Variants in ATP2B1 observed in about 807,000 individuals in gnomAD.
ATP2B1 encodes ATPase plasma membrane Ca2+ transporting 1, also known as plasma membrane calcium-transporting ATPase 1.
Under a neutral mutation model 124.2 loss-of-function variants are expected in ATP2B1, and 14 were observed. That is an observed-to-expected ratio of 0.11 (90% CI 0.07 to 0.18). The LOEUF (loss-of-function observed/expected upper bound fraction) is 0.18. Ranked by LOEUF, ATP2B1 falls within the 10% of genes least tolerant of loss-of-function variation. The probability of loss-of-function intolerance (pLI) is 1.00; values close to 1 mark genes in which losing one functional copy is unlikely to be tolerated. For missense variants in ATP2B1, 763 were observed against 1,466.1 expected (o/e 0.52, Z 7.83); for synonymous variants, 449 against 492.4 (o/e 0.91, Z 1.17).
At chr12:89,639,171 C>T (rs12303603) in intron 3 of ATP2B1, among the ~76,000 whole-genome samples, 6 of 151,996 alleles carry the variant, frequency 3.9e-5, no homozygotes, top group Admixed American at 1.3e-4. Context: ...TGAGATGTAA[C>T]GAGACAAAAA....
At position 89,635,745 on chromosome 12, in the gene ATP2B1, AATCATGCTT is replaced by A. The variant is rs1882594609; in HGVS notation, c.407-503_407-495del. On this transcript the variant is annotated intron_variant, in intron 3 of 20. Transcript: ENST00000428670. ...AAGTTAGTATTACGTGAAACCCATGAATCATGCTTATTTACTATGTCATTTTTACTGAAA... is the reference window on the plus strand; with the variant it reads ...AAGTTAGTATTACGTGAAACCCATGAATTTACTATGTCATTTTTACTGAAA... 2.6e-5 allele frequency among the ~76,000 whole-genome samples: 4 copies of A among 152,340 alleles called. No homozygotes were observed. In the South Asian group the frequency reaches 8.3e-4, roughly 32 times the overall value.
In ATP2B1 at chr12:89,604,027, T is replaced by C. The variant is rs997758651; in HGVS notation, c.2635-102A>G. 6.4e-6 allele frequency: 9 copies of C among 1,397,414 alleles called. 1 individual carries two copies. The Admixed American group carries it at 2.0e-4, about 31-fold the overall frequency. The allele number at this position is 1,397,414 out of a possible 1,614,324, so 86.6% of individuals were successfully genotyped here. ...TAAAAACTTGAGAAACAGAACAGGA[T>C]TATATTTTTATATTAACTAACCTAA... On this transcript the variant is annotated intron_variant, in intron 16 of 20. Transcript: ENST00000428670.
intron 1 of ATP2B1, among the ~76,000 whole-genome samples, chr12:89,674,210 A>T (rs1477181633): frequency 6.6e-6 from 1 of 152,176 alleles, no homozygotes; most frequent in Non-Finnish European, 1.5e-5. Context: ...ACTACTAATT[A>T]CACAATTTAA....
intron 1 of ATP2B1, among the ~76,000 whole-genome samples, chr12:89,664,851 C>CT (rs71307587): frequency 0.1 from 14,230 of 142,756 alleles, 922 homozygotes; most frequent in African/African-American, 0.18. Context: ...TTATGCTATT[C>CT]TTTTTTTTTT....
chr12:89,670,119 G>A (rs1281205959), intron 1 of ATP2B1, among the ~76,000 whole-genome samples: 3 of 152,066 alleles, frequency 2.0e-5, no homozygotes, highest in Admixed American at 6.6e-5. Flanking sequence ...AACTCTTTGT[G>A]ACACAATATT....
intron 1 of ATP2B1, among the ~76,000 whole-genome samples, chr12:89,697,830 G>A (rs1386988117): frequency 6.7e-6 from 1 of 148,480 alleles, no homozygotes; most frequent in African/African-American, 2.5e-5. Context: ...CACAAATAAT[G>A]CTTACAAAGC....
intron 1 of ATP2B1, among the ~76,000 whole-genome samples, chr12:89,677,964 A>ATATGTATATATATG (rs1368511191): frequency 1.9e-5 from 2 of 104,508 alleles, no homozygotes; most frequent in African/African-American, 3.3e-5. Context: ...TTATATATAT[A>ATATGTATATATATG]TATATATACA....
intron 12 of ATP2B1, among the ~76,000 whole-genome samples, chr12:89,612,750 A>T (rs756035004): frequency 1.3e-5 from 2 of 152,180 alleles, no homozygotes; most frequent in Non-Finnish European, 2.9e-5. Flanking sequence ...ACATACCTCT[A>T]TTACAGATCA....
chr12:89,653,689 C>A (rs1885589552), intron 2 of ATP2B1, among the ~76,000 whole-genome samples: 1 of 152,190 alleles, frequency 6.6e-6, no homozygotes, highest in African/African-American at 2.4e-5. Flanking sequence ...ATCCCCTTCT[C>A]AAATTTTAAA....
chr12:89,691,613 A>G (rs1890565314), intron 1 of ATP2B1, among the ~76,000 whole-genome samples: 3 of 152,190 alleles, frequency 2.0e-5, no homozygotes, highest in Admixed American at 2.0e-4. Flanking sequence ...ATTATTACTC[A>G]GTTTGTTAAG....
At chr12:89,643,164 GTATGTATA>G (rs1565861804) in intron 2 of ATP2B1, among the ~76,000 whole-genome samples, 2 of 149,354 alleles carry the variant, frequency 1.3e-5, no homozygotes, top group African/African-American at 5.0e-5. Flanking sequence ...ATATATGTAT[GTATGTATA>G]TATGTATATG....
At position 89,634,869 on chromosome 12, in the gene ATP2B1, T is replaced by C. The variant is rs1196774778; in HGVS notation, c.696A>G (p.Gln232=). 1.2e-6 allele frequency: 2 copies of C among 1,613,218 alleles called. No individual in the cohort carries two copies. Among genetic ancestry groups the C allele is most frequent in the South Asian group, 1.1e-5 (1 of 90,932 alleles). ...DLLPADGILI[Q]GNDLKIDESS... is the part of the protein sequence containing the mutation. ...TTTCATCAATTTTAAGATCGTTGCC[T>C]TGAATAAGTATGCCGTCAGCTGGAA... The change falls in exon 5 of 21, where the codon CAA becomes CAG. Residue 232 remains glutamine, a synonymous_variant. Coordinates refer to ENST00000428670, the MANE Select transcript of ATP2B1 (RefSeq NM_001366521.1).
intron 1 of ATP2B1, among the ~76,000 whole-genome samples, chr12:89,690,513 T>C (rs1030043108): frequency 1.3e-5 from 2 of 152,074 alleles, no homozygotes; most frequent in African/African-American, 4.8e-5. Flanking sequence ...CAACTCAGAA[T>C]GTCAACAACT....
intron 20 of ATP2B1, among the ~76,000 whole-genome samples, chr12:89,593,005 T>C (rs1389857703): frequency 6.6e-6 from 1 of 152,080 alleles, no homozygotes; most frequent in Non-Finnish European, 1.5e-5. Flanking sequence ...TATAATTCCA[T>C]TCTATTTGAT....
chr12:89,600,427 A>T (rs1190676848), intron 19 of ATP2B1, among the ~76,000 whole-genome samples: 1 of 152,170 alleles, frequency 6.6e-6, no homozygotes, highest in East Asian at 1.9e-4. Flanking sequence ...AAAAATAATG[A>T]CATGCATTTG....
chr12:89,589,300 C>G lies in ATP2B1; in HGVS notation c.*1684G>C, dbSNP rs1052919112. The G allele has an allele frequency of 6.6e-6, 1 of 152,440 alleles. No individual in the cohort carries two copies. The highest frequency in any genetic ancestry group is 2.4e-5 in the African/African-American group (1 of 41,386). 9.4% of individuals were successfully genotyped at this position (152,440 alleles called of 1,614,324 possible). A position where few individuals can be genotyped will look rare whatever the true frequency, so the allele number is the denominator to read the frequency against. On this transcript the variant is annotated 3_prime_UTR_variant, in exon 21 of 21. Coordinates refer to ENST00000428670, the MANE Select transcript of ATP2B1 (RefSeq NM_001366521.1). ...CTGAGGATTGTGTATCTGGTGAAAT[C>G]TGGGCCCTAACACATGCCAGTTTCT...
At chr12:89,664,981 C>T (rs1887130324) in intron 1 of ATP2B1, among the ~76,000 whole-genome samples, 1 of 151,984 alleles carries the variant, frequency 6.6e-6, no homozygotes, top group Non-Finnish European at 1.5e-5. Context: ...CAGGCATGCA[C>T]CACCATATCC....
chr12:89,698,915 G>A (rs1337369099), intron 1 of ATP2B1, among the ~76,000 whole-genome samples: 3 of 152,180 alleles, frequency 2.0e-5, no homozygotes, highest in Non-Finnish European at 2.9e-5. Context: ...TGGTACCCTG[G>A]TTTTCAACTG....
At chr12:89,642,420 A>C in intron 2 of ATP2B1, 65 bp from the exon 3 acceptor site, 1 of 1,428,748 alleles carries the variant, frequency 7.0e-7, no homozygotes, top group Admixed American at 1.9e-5. Context: ...ATATAGTTTT[A>C]TTCAAAATAC....
Sources: allele counts gnomAD v4.1 joint callset (sites outside exome capture counted in the v4.1 genomes callset), GRCh38; gene constraint gnomAD v4.1.1; transcripts MANE v1.5; gene names NCBI Gene and HGNC (gene_info 2026-07-23, HGNC 2026-07-21).